The following RAP1GAP2 variants were observed in gnomAD, a reference collection of about 807,000 sequenced individuals.
RAP1GAP2 encodes the protein RAP1 GTPase activating protein 2.
Under a neutral mutation model 95.0 loss-of-function variants are expected in RAP1GAP2, and 27 were observed. The observed-to-expected ratio is 0.28, with a 90% CI of 0.21 to 0.39. The LOEUF (loss-of-function observed/expected upper bound fraction) is 0.39. Among genes scored for constraint, RAP1GAP2 ranks in the 10% least tolerant of loss-of-function variants. The pLI is 1.00. For synonymous variants in RAP1GAP2, 373 were observed against 380.9 expected (o/e 0.98, Z 0.24); for missense variants, 771 against 970.0 (o/e 0.79, Z 2.72).
chr17:2,769,423 T>C (rs759400331), intron 1 of RAP1GAP2, among the ~76,000 whole-genome samples: 102 of 150,312 alleles, frequency 6.8e-4, no homozygotes, highest in African/African-American at 1.3e-3. Context: ...GGCGTGGCGG[T>C]GGGCGCCTGT....
chr17:2,889,542 G>T (rs1029387525), intron 2 of RAP1GAP2, among the ~76,000 whole-genome samples: 1 of 152,114 alleles, frequency 6.6e-6, no homozygotes. Context: ...TTCCAGCCGT[G>T]AAATACTGCA....
intron 3 of RAP1GAP2, among the ~76,000 whole-genome samples, chr17:2,927,429 A>G (rs1423135858): frequency 6.6e-6 from 1 of 152,168 alleles, no homozygotes; most frequent in African/African-American, 2.4e-5. Context: ...CTGGGATTAC[A>G]GGCGTGAGCC....
chr17:2,922,439 G>T (rs1336200846), intron 3 of RAP1GAP2, among the ~76,000 whole-genome samples: 1 of 152,138 alleles, frequency 6.6e-6, no homozygotes, highest in Non-Finnish European at 1.5e-5. Context: ...TCTTTTTGGG[G>T]GCCACCATTA....
intron 8 of RAP1GAP2, among the ~76,000 whole-genome samples, chr17:2,969,868 T>A (rs1421398517): frequency 6.6e-6 from 1 of 152,190 alleles, no homozygotes; most frequent in Non-Finnish European, 1.5e-5. Context: ...TGTAACTTGC[T>A]TCTCTTAACA....
At chr17:2,820,903 T>TTTTTTTTTTTTTTTTTTTTTGTTTTTTG (rs1567678183) in intron 2 of RAP1GAP2, among the ~76,000 whole-genome samples, 2 of 145,864 alleles carry the variant, frequency 1.4e-5, no homozygotes, top group African/African-American at 5.2e-5. Context: ...TTTTTTTTTT[T>TTTTTTTTTTTTTTTTTTTTTGTTTTTTG]TTTTTTGTAT....
rs2046923963 is a variant in RAP1GAP2, at chr17:3,020,527, G to A, written c.1683G>A (p.Lys561=). Residue 561 remains lysine (K), a synonymous_variant, in exon 19 of 25, where the codon AAG becomes AAA. Transcript: ENST00000254695. Reference sequence around the variant, plus strand: ...AGAACCAGTCACGGAGTCCCATCAAGCGACGCTCGGGGCTCTTCCCCCGCC... The same window carrying A: ...AGAACCAGTCACGGAGTCCCATCAAACGACGCTCGGGGCTCTTCCCCCGCC... ...TVKNQSRSPI[K]RRSGLFPRLH... 9 of 1,613,796 alleles carry A rather than the reference G, an allele frequency of 5.6e-6. No homozygotes were observed. The highest frequency in any genetic ancestry group is 2.7e-5 in the African/African-American group (2 of 74,928).
chr17:2,916,674 A>T (rs2151755980), intron 3 of RAP1GAP2, among the ~76,000 whole-genome samples: 2 of 152,294 alleles, frequency 1.3e-5, no homozygotes, highest in Admixed American at 1.3e-4. Flanking sequence ...TGTGGGCAGT[A>T]ATGAGGTCAT....
chr17:2,825,078 G>A lies in RAP1GAP2; in HGVS notation c.80+24528G>A, dbSNP rs2070489514. On this transcript the variant is annotated intron_variant, in intron 2 of 24. Transcript: ENST00000254695. This position sits in a 1 kb window ranked among gnomAD's most constrained non-coding sequence, Gnocchi z 4.1. ...CCTGCGTAGCTGGGATGACAGGCAT[G>A]TGCCACCACACCTGGCTAATTTTTA... 2.0e-5 allele frequency among the ~76,000 whole-genome samples: 3 copies of A among 152,166 alleles called. No homozygotes were observed. The South Asian group carries it at 6.3e-4, about 32-fold the overall frequency.
chr17:2,814,733 A>AC (rs954042016), intron 2 of RAP1GAP2, among the ~76,000 whole-genome samples: 298 of 150,176 alleles, frequency 2.0e-3, no homozygotes, highest in African/African-American at 6.5e-3. Context: ...GTGTGGTACC[A>AC]CCCCCCCCAA....
chr17:2,940,679 C>T (rs2043462073), intron 3 of RAP1GAP2, among the ~76,000 whole-genome samples: 1 of 152,198 alleles, frequency 6.6e-6, no homozygotes, highest in Non-Finnish European at 1.5e-5. Flanking sequence ...GCAGGCTCTG[C>T]AGACGCCCCT....
chr17:2,900,224 G>T (rs1422142322), intron 2 of RAP1GAP2, among the ~76,000 whole-genome samples: 1 of 152,170 alleles, frequency 6.6e-6, no homozygotes, highest in Non-Finnish European at 1.5e-5. Flanking sequence ...TTAACCAACG[G>T]TTATGATCCT....
At chr17:2,760,280 GAGACTCTGTCTCAAA>G (rs2071217737) in intron 1 of RAP1GAP2, among the ~76,000 whole-genome samples, 1 of 116,320 alleles carries the variant, frequency 8.6e-6, no homozygotes, top group African/African-American at 3.4e-5. Flanking sequence ...GGGACAGAGC[GAGACTCTGTCTCAAA>G]AAAAAAAAAA....
intron 4 of RAP1GAP2, 82 bp downstream of exon 4, chr17:2,957,876 C>G: frequency 7.3e-7 from 1 of 1,376,104 alleles, no homozygotes; most frequent in Non-Finnish European, 9.8e-7. Flanking sequence ...AACCCACGGG[C>G]AGAAGCCGGG....
At chr17:2,843,076 G>T (rs1393794706) in intron 2 of RAP1GAP2, among the ~76,000 whole-genome samples, 1 of 152,012 alleles carries the variant, frequency 6.6e-6, no homozygotes, top group Non-Finnish European at 1.5e-5. Context: ...CTGGTGTGGG[G>T]CAAATAGACA....
At chr17:2,890,685 CT>C (rs374485374) in intron 2 of RAP1GAP2, among the ~76,000 whole-genome samples, 2,834 of 136,180 alleles carry the variant, frequency 0.021, 63 homozygotes, top group African/African-American at 0.064. Flanking sequence ...TCAGTGTTTA[CT>C]TTTTTTTTTT....
intron 3 of RAP1GAP2, among the ~76,000 whole-genome samples, chr17:2,918,530 G>A (rs2042646468): frequency 6.6e-6 from 1 of 151,876 alleles, no homozygotes; most frequent in Non-Finnish European, 1.5e-5. Flanking sequence ...TGTTGGGGTG[G>A]CCTCAGGAAA....
At chr17:3,020,973 A>G (rs756340090) in intron 19 of RAP1GAP2, among the ~76,000 whole-genome samples, 5 of 152,294 alleles carry the variant, frequency 3.3e-5, no homozygotes, top group African/African-American at 7.2e-5. Context: ...AAAAGGTTCT[A>G]TGCTTTTTTC....
Position 2,998,983 on chromosome 17 carries a change from G to C in RAP1GAP2, c.1200+607G>C, listed in dbSNP as rs142134063. On this transcript the variant is annotated intron_variant, in intron 14 of 24. Coordinates refer to ENST00000254695, the MANE Select transcript of RAP1GAP2 (RefSeq NM_015085.5). ...GAGGGTGGAGAGGAGGGGCCTGGTA[G>C]ACCCTGGCCACTGGGTAAGGCCCTG... 2.2e-3 allele frequency among the ~76,000 whole-genome samples: 335 copies of C among 152,318 alleles called. 5 individuals carry two copies. The highest frequency in any genetic ancestry group is 7.5e-3 in the African/African-American group (312 of 41,576).
chr17:2,914,302 A>T (rs1298394115), intron 3 of RAP1GAP2, among the ~76,000 whole-genome samples: 2 of 152,160 alleles, frequency 1.3e-5, no homozygotes, highest in African/African-American at 2.4e-5. Flanking sequence ...GTTGGTTTTG[A>T]CAATTTTAGC....
Sources: allele counts gnomAD v4.1 joint callset (sites outside exome capture counted in the v4.1 genomes callset), GRCh38; gene constraint gnomAD v4.1.1; non-coding constraint Gnocchi (gnomAD v3.1); transcripts MANE v1.5; gene names NCBI Gene and HGNC (gene_info 2026-07-23, HGNC 2026-07-21).